Variants in GALNT14 observed in about 807,000 individuals in gnomAD.
GALNT14 encodes UDP-GalNAc:polypeptide N-acetylgalactosaminyltransferase 14.
In GALNT14, 60 loss-of-function variants were observed where a neutral mutation model predicts 77.5. The observed-to-expected ratio is 0.77, with a 90% CI of 0.63 to 0.96. The LOEUF is 0.96. Ranked by LOEUF, GALNT14 falls within the 40% of genes least tolerant of loss-of-function variation. The pLI is 0.00. For synonymous variants in GALNT14, 280 were observed against 281.7 expected (o/e 0.99, Z 0.06); for missense variants, 710 against 731.0 (o/e 0.97, Z 0.33).
At chr2:31,109,540 G>A (rs1010742658) in intron 1 of GALNT14, among the ~76,000 whole-genome samples, 1 of 152,132 alleles carries the variant, frequency 6.6e-6, no homozygotes, top group Non-Finnish European at 1.5e-5. Context: ...GGCTTGGCTC[G>A]AATTATGTCT....
At chr2:31,096,069 C>T (rs1676990660) in intron 1 of GALNT14, among the ~76,000 whole-genome samples, 1 of 152,126 alleles carries the variant, frequency 6.6e-6, no homozygotes, top group South Asian at 2.1e-4. Context: ...TTTTCTTCAT[C>T]TCCATCTTCA....
chr2:30,913,292 G>A (rs575036196), intron 13 of GALNT14, among the ~76,000 whole-genome samples: 3 of 152,230 alleles, frequency 2.0e-5, no homozygotes, highest in African/African-American at 4.8e-5. Context: ...GGGAAGCTGC[G>A]GAGGATCCTT....
At chr2:31,054,858 T>C (rs1226155084) in intron 1 of GALNT14, among the ~76,000 whole-genome samples, 1 of 152,156 alleles carries the variant, frequency 6.6e-6, no homozygotes, top group Non-Finnish European at 1.5e-5. Flanking sequence ...AACAAAAGCA[T>C]CATAACATCA....
intron 1 of GALNT14, chr2:31,132,715 G>A (rs1350879345): frequency 2.1e-6 from 1 of 470,756 alleles, no homozygotes; most frequent in African/African-American, 2.0e-5. Context: ...GAAGAACCCT[G>A]AAACAAAAAT....
At chr2:31,012,184 C>T (rs1671074107) in intron 1 of GALNT14, among the ~76,000 whole-genome samples, 3 of 152,158 alleles carry the variant, frequency 2.0e-5, no homozygotes, top group South Asian at 2.1e-4. Flanking sequence ...TCTTCTAAGA[C>T]ACGGTTGGAT....
chr2:30,896,218 C>G, the GALNT14 span, among the ~76,000 whole-genome samples: 1 of 152,226 alleles, frequency 6.6e-6, no homozygotes, highest in Non-Finnish European at 1.5e-5. Context: ...GACTCTGAGT[C>G]AGTGGGGTTA....
intron 6 of GALNT14, among the ~76,000 whole-genome samples, chr2:30,953,550 C>T (rs1667171923): frequency 6.6e-6 from 1 of 152,176 alleles, no homozygotes; most frequent in South Asian, 2.1e-4. Flanking sequence ...CCTCGAGATC[C>T]ATCCACCTTG....
In GALNT14 at chr2:31,068,507, C is replaced by CA. The variant is rs56916863; in HGVS notation, c.129+69450dup. Among the ~76,000 whole-genome samples the CA allele has an allele frequency of 5.1e-3, 532 of 104,252 alleles. 5 individuals carry two copies. Among genetic ancestry groups the CA allele is most frequent in the East Asian group, 0.014 (50 of 3,458 alleles). 68.4% of individuals were successfully genotyped at this position (104,252 alleles called of 152,430 possible). A position where few individuals can be genotyped will look rare whatever the true frequency, so the allele number is the denominator to read the frequency against. ...TGGGTGACAAAGCAAGACCCCGTCT[C>CA]AAAAAAAAAAAAAAAAAAGAAAAGA... On this transcript the variant is annotated intron_variant, in intron 1 of 14. Transcript: ENST00000349752.
intron 1 of GALNT14, among the ~76,000 whole-genome samples, chr2:31,040,625 G>C (rs1356917682): frequency 2.0e-5 from 3 of 152,122 alleles, no homozygotes; most frequent in Admixed American, 6.6e-5. Context: ...ACATGGGCTA[G>C]GAGATGACAA....
intron 1 of GALNT14, 57 bp from the exon 2 acceptor site, chr2:30,993,064 C>T (rs940570164): frequency 1.4e-5 from 22 of 1,576,196 alleles, no homozygotes; most frequent in East Asian, 1.2e-4. Context: ...CACTAGCCCC[C>T]GTCTGCCTAT....
At chr2:30,939,824 G>A (rs904903036) in intron 9 of GALNT14, among the ~76,000 whole-genome samples, 4 of 151,924 alleles carry the variant, frequency 2.6e-5, no homozygotes, top group Admixed American at 2.0e-4. Context: ...TCTCCCCTTC[G>A]CAGCTGGAGC....
chr2:30,931,772 G>A (rs552081260), intron 10 of GALNT14, among the ~76,000 whole-genome samples: 2 of 152,172 alleles, frequency 1.3e-5, no homozygotes, highest in South Asian at 2.1e-4. Context: ...CCAAATATCT[G>A]GAGCCCATGC....
At chr2:31,052,157 G>A (rs187893676) in intron 1 of GALNT14, among the ~76,000 whole-genome samples, 1 of 152,218 alleles carries the variant, frequency 6.6e-6, no homozygotes, top group African/African-American at 2.4e-5. Context: ...AAAGTCAGAA[G>A]TAGCACCCAG....
At chr2:31,056,578 G>A (rs948297580) in intron 1 of GALNT14, among the ~76,000 whole-genome samples, 5 of 152,134 alleles carry the variant, frequency 3.3e-5, no homozygotes, top group Non-Finnish European at 5.9e-5. Context: ...CAGCCCAGGG[G>A]TTCTGGGTCT....
intron 1 of GALNT14, 56 bp from the exon 2 acceptor site, chr2:30,993,063 CCG>C: frequency 6.3e-7 from 1 of 1,579,056 alleles, no homozygotes; most frequent in Non-Finnish European, 8.6e-7. Flanking sequence ...CCACTAGCCC[CCG>C]TCTGCCTATC....
chr2:30,989,407 G>T lies in GALNT14; in HGVS notation c.299+3431C>A, dbSNP rs534576483. On this transcript the variant is annotated intron_variant, in intron 2 of 14. Coordinates refer to ENST00000349752, the MANE Select transcript of GALNT14 (RefSeq NM_024572.4). ...GTATAGATGTGTGCTCCGTTTGGGG[G>T]TTTAGTTGCATCTCTTGCCTGATCA... is the stretch of plus-strand genomic sequence containing the variant. Among the ~76,000 whole-genome samples the T allele has an allele frequency of 3.3e-5, 5 of 151,508 alleles. No individual in the cohort carries two copies. In the South Asian group the frequency reaches 8.4e-4, roughly 25 times the overall value.
At chr2:31,031,004 G>GC (rs2148479787) in intron 1 of GALNT14, among the ~76,000 whole-genome samples, 1 of 152,312 alleles carries the variant, frequency 6.6e-6, no homozygotes, top group South Asian at 2.1e-4. Flanking sequence ...ATGAGAAAGC[G>GC]CATGTGTGTA....
chr2:30,902,670 C>T, the GALNT14 span, among the ~76,000 whole-genome samples: 4 of 152,166 alleles, frequency 2.6e-5, no homozygotes, highest in African/African-American at 9.7e-5. Context: ...TAAATAATGT[C>T]ACTTGTCCCA....
intron 1 of GALNT14, among the ~76,000 whole-genome samples, chr2:31,135,534 C>T (rs1679189575): frequency 6.6e-6 from 1 of 151,494 alleles, no homozygotes; most frequent in Non-Finnish European, 1.5e-5. Context: ...AAAAAGAAGA[C>T]ACCTAATAGT....
Sources: allele counts gnomAD v4.1 joint callset (sites outside exome capture counted in the v4.1 genomes callset), GRCh38; gene constraint gnomAD v4.1.1; transcripts MANE v1.5; gene names NCBI Gene and HGNC (gene_info 2026-07-23, HGNC 2026-07-21).